The following SCARA5 variants were observed in gnomAD, a reference collection of about 807,000 sequenced individuals.
The protein encoded by SCARA5 is scavenger receptor class A member 5.
In SCARA5, 45 loss-of-function variants were observed where a neutral mutation model predicts 46.3. The ratio of observed to expected loss-of-function variants is 0.97; its 90% CI spans 0.76 to 1.24. The LOEUF (loss-of-function observed/expected upper bound fraction) is 1.24, where lower values mean the gene tolerates loss of function less well. Ranked by LOEUF, SCARA5 falls within the 50% of genes most tolerant of loss-of-function variation. SCARA5 has a pLI of 0.00. For synonymous variants in SCARA5, 333 were observed against 306.5 expected (o/e 1.09, Z -0.90); for missense variants, 680 against 689.0 (o/e 0.99, Z 0.15).
chr8:27,980,509 A>G lies in SCARA5; in HGVS notation c.112+6995T>C, dbSNP rs2129971859. On this transcript the variant is annotated intron_variant, in intron 2 of 8. Transcript: ENST00000354914. The stretch of plus-strand genomic sequence containing the variant: ...AGAGTAATGCCACACAGGAGATGGC[A>G]TGGCCTAGGGCTGGGGCTTTGGCTG... Among the ~76,000 whole-genome samples, 2 of 152,264 alleles carry G rather than the reference A, an allele frequency of 1.3e-5. 1 individual carries two copies. Among genetic ancestry groups the G allele is most frequent in the South Asian group, 4.1e-4 (2 of 4,824 alleles).
chr8:27,926,702 A>G (rs546082620), intron 3 of SCARA5, among the ~76,000 whole-genome samples: 8 of 152,318 alleles, frequency 5.3e-5, no homozygotes, highest in African/African-American at 1.9e-4. Context: ...GTGCAGTTTG[A>G]TCTCAAGTGT....
At chr8:27,872,375 T>C (rs1369639583) in intron 8 of SCARA5, among the ~76,000 whole-genome samples, 1 of 152,220 alleles carries the variant, frequency 6.6e-6, no homozygotes, top group Admixed American at 6.5e-5. Flanking sequence ...AGTCTTAAAC[T>C]CTGTCATTCA....
chr8:27,879,909 A>C (rs1806785191), intron 7 of SCARA5, 143 bp from the exon 8 acceptor site: 1 of 733,828 alleles, frequency 1.4e-6, no homozygotes, highest in Non-Finnish European at 2.2e-6. Context: ...CCCCCAAATC[A>C]CCCTGTGCCT....
At chr8:27,965,126 G>A (rs1157890450) in intron 3 of SCARA5, among the ~76,000 whole-genome samples, 1 of 152,126 alleles carries the variant, frequency 6.6e-6, no homozygotes, top group East Asian at 1.9e-4. Context: ...GTTGCTCATT[G>A]ATGGGACAGA....
chr8:27,915,804 G>C (rs963076851), intron 4 of SCARA5, among the ~76,000 whole-genome samples: 1 of 152,026 alleles, frequency 6.6e-6, no homozygotes, highest in African/African-American at 2.4e-5. Flanking sequence ...AACAAAAAGA[G>C]TGGACTGGAT....
At chr8:27,904,208 C>T (rs893106750) in intron 7 of SCARA5, among the ~76,000 whole-genome samples, 2 of 152,270 alleles carry the variant, frequency 1.3e-5, no homozygotes, top group Non-Finnish European at 1.5e-5. Context: ...AAAACAAAGG[C>T]GATGCCACTT....
At chr8:27,989,292 T>A (rs1171056536) in intron 1 of SCARA5, among the ~76,000 whole-genome samples, 1 of 151,932 alleles carries the variant, frequency 6.6e-6, no homozygotes, top group Non-Finnish European at 1.5e-5. Flanking sequence ...CAAGCCACCA[T>A]GTCCAGCTAA....
intron 7 of SCARA5, among the ~76,000 whole-genome samples, chr8:27,889,012 G>C (rs912300288): frequency 1.3e-5 from 2 of 152,158 alleles, no homozygotes; most frequent in African/African-American, 4.8e-5. Context: ...CCAGACCACA[G>C]CACCTGCCTC....
intron 3 of SCARA5, among the ~76,000 whole-genome samples, chr8:27,958,813 G>A (rs546375294): frequency 2.0e-5 from 3 of 152,208 alleles, no homozygotes; most frequent in Non-Finnish European, 4.4e-5. Context: ...CACCTACTAG[G>A]CAATGGTTTC....
chr8:27,948,357 A>ACT (rs1490988615), intron 3 of SCARA5, among the ~76,000 whole-genome samples: 7 of 152,098 alleles, frequency 4.6e-5, no homozygotes, highest in African/African-American at 1.7e-4. Flanking sequence ...GCCCTCTGGG[A>ACT]GGGAGGCAGG....
At chr8:27,988,566 T>G (rs1808739690) in intron 1 of SCARA5, among the ~76,000 whole-genome samples, 1 of 152,216 alleles carries the variant, frequency 6.6e-6, no homozygotes, top group Non-Finnish European at 1.5e-5. Context: ...TTGTGGGGAT[T>G]TAATATTCCT....
At chr8:27,906,266 C>T (rs987522414) in intron 6 of SCARA5, among the ~76,000 whole-genome samples, 1 of 152,150 alleles carries the variant, frequency 6.6e-6, no homozygotes, top group Non-Finnish European at 1.5e-5. Flanking sequence ...ATCAGATGTC[C>T]TTGTCTTCCG....
At chr8:27,908,417 G>A (rs1460210460) in intron 5 of SCARA5, among the ~76,000 whole-genome samples, 3 of 152,168 alleles carry the variant, frequency 2.0e-5, no homozygotes, top group African/African-American at 7.2e-5. Flanking sequence ...CATGAGGCCT[G>A]GCCTAAGCGT....
intron 7 of SCARA5, among the ~76,000 whole-genome samples, chr8:27,882,073 T>A (rs1215997534): frequency 2.0e-5 from 3 of 152,210 alleles, no homozygotes; most frequent in African/African-American, 7.2e-5. Flanking sequence ...CAACCACTGA[T>A]CTTTTCACTT....
At chr8:27,910,797 C>T (rs766983277) in intron 4 of SCARA5, among the ~76,000 whole-genome samples, 1 of 152,204 alleles carries the variant, frequency 6.6e-6, no homozygotes, top group Non-Finnish European at 1.5e-5. Context: ...CTGGCTTTTG[C>T]ACTTGGATGG....
intron 3 of SCARA5, among the ~76,000 whole-genome samples, chr8:27,929,857 G>A (rs1188007405): frequency 6.6e-6 from 1 of 152,174 alleles, no homozygotes; most frequent in African/African-American, 2.4e-5. Context: ...CCCATTTTCA[G>A]ATGGAGAAAC....
chr8:27,911,055 G>C (rs914958911), intron 4 of SCARA5, among the ~76,000 whole-genome samples: 4 of 152,140 alleles, frequency 2.6e-5, no homozygotes, highest in African/African-American at 9.7e-5. Flanking sequence ...GAATCTTCTT[G>C]CCAGCCATTG....
chr8:27,897,744 C>T (rs572443121), intron 7 of SCARA5, among the ~76,000 whole-genome samples: 11 of 152,330 alleles, frequency 7.2e-5, no homozygotes, highest in African/African-American at 2.6e-4. Context: ...GTGTGAAATG[C>T]CCCCACTAGA....
chr8:27,903,742 A>T (rs1807201399), intron 7 of SCARA5: 1 of 152,308 alleles, frequency 6.6e-6, no homozygotes, highest in African/African-American at 2.4e-5. Flanking sequence ...TTTGGGTGTC[A>T]TGAGACCCCT....
Sources: gnomAD v4.1 joint callset for allele counts (sites outside exome capture counted in the v4.1 genomes callset) on GRCh38, gnomAD v4.1.1 for gene constraint, MANE v1.5 for transcripts, NCBI Gene and HGNC (gene_info 2026-07-23, HGNC 2026-07-21) for gene names.